MAP3K8: variants seen among roughly 807,000 people sequenced by gnomAD.
MAP3K8 encodes mitogen-activated protein kinase kinase kinase 8.
A neutral mutation model predicts 45.8 loss-of-function variants in MAP3K8; 22 were observed. That is an observed-to-expected ratio of 0.48 (90% CI 0.34 to 0.69). The LOEUF (loss-of-function observed/expected upper bound fraction) is 0.69, where lower values mean the gene tolerates loss of function less well. MAP3K8 is among the 30% of genes least tolerant of loss of function. The probability of loss-of-function intolerance (pLI) is 0.01; values close to 1 mark genes in which losing one functional copy is unlikely to be tolerated. For synonymous variants in MAP3K8, 223 were observed against 214.3 expected (o/e 1.04, Z -0.36); for missense variants, 419 against 585.0 (o/e 0.72, Z 2.93).
In MAP3K8 at chr10:30,460,848, T is replaced by C; in HGVS notation, c.*12T>C. 6.2e-7 allele frequency: 1 copy of C among 1,612,924 alleles called. No individual in the cohort carries two copies. Among genetic ancestry groups the C allele is most frequent in the East Asian group, 2.2e-5 (1 of 44,878 alleles). ...TTGAATATGGCTGAAGGATGCCATG[T>C]TTGCTCTAAATTAAGACAGCATTGA... is the stretch of plus-strand genomic sequence containing the variant. On this transcript the variant is annotated 3_prime_UTR_variant, in exon 9 of 9. Coordinates refer to ENST00000263056, the MANE Select transcript of MAP3K8 (RefSeq NM_005204.4).
chr10:30,441,578 A>G (rs1836111107), intron 3 of MAP3K8, among the ~76,000 whole-genome samples: 1 of 152,256 alleles, frequency 6.6e-6, no homozygotes, highest in Non-Finnish European at 1.5e-5. Flanking sequence ...ACTAAAAAAC[A>G]GAAGAGAATA....
chr10:30,437,154 C>G, intron 1 of MAP3K8, 22 bp from the exon 2 acceptor site: 1 of 984,706 alleles, frequency 1.0e-6, no homozygotes, highest in Non-Finnish European at 1.2e-6. Flanking sequence ...TTTTTTTTCT[C>G]TCTCTTTATG....
At chr10:30,438,237 AG>A (rs1259526493) in intron 2 of MAP3K8, among the ~76,000 whole-genome samples, 1 of 152,236 alleles carries the variant, frequency 6.6e-6, no homozygotes, top group Non-Finnish European at 1.5e-5. Context: ...GCTGAATCAT[AG>A]GTTAAATGTA....
At chr10:30,449,268 G>T (rs570284023) in intron 4 of MAP3K8, among the ~76,000 whole-genome samples, 1 of 152,010 alleles carries the variant, frequency 6.6e-6, no homozygotes, top group East Asian at 1.9e-4. Context: ...TTTTTGAGAC[G>T]GAGTCTAGCT....
chr10:30,460,951 G>A lies in MAP3K8; in HGVS notation c.*115G>A, dbSNP rs539149833. 83 of 1,309,918 alleles carry A rather than the reference G, an allele frequency of 6.3e-5. No homozygotes were observed. In the African/African-American group the frequency reaches 1.1e-3, roughly 17 times the overall value. The allele number at this position is 1,309,918 out of a possible 1,614,324, so 81.1% of individuals were successfully genotyped here. On this transcript the variant is annotated 3_prime_UTR_variant, in exon 9 of 9. Transcript: ENST00000263056. Reference sequence around the variant, plus strand: ...GGTGCCATTTTCGAAGGAGCAGTGTGACCTCCTGTGACCCGTGAATGTGCC... The same window carrying A: ...GGTGCCATTTTCGAAGGAGCAGTGTAACCTCCTGTGACCCGTGAATGTGCC...
At chr10:30,456,680 T>C (rs542468160) in intron 6 of MAP3K8, among the ~76,000 whole-genome samples, 75 of 152,222 alleles carry the variant, frequency 4.9e-4, no homozygotes, top group Non-Finnish European at 8.4e-4. Flanking sequence ...CTGTTCCTTT[T>C]TAAAAAAATG....
At chr10:30,447,999 CT>C in intron 4 of MAP3K8, 50 bp downstream of exon 4, 2 of 1,533,182 alleles carry the variant, frequency 1.3e-6, no homozygotes, top group Non-Finnish European at 1.8e-6. Context: ...GGCATTCTGG[CT>C]TTTGTTTTTT....
chr10:30,445,063 C>G (rs1266295592), intron 3 of MAP3K8, among the ~76,000 whole-genome samples: 1 of 152,164 alleles, frequency 6.6e-6, no homozygotes, highest in African/African-American at 2.4e-5. Flanking sequence ...CTGAAATTAT[C>G]TTTTGTCCTC....
rs920859938 is a variant in MAP3K8 at position 30,446,294 on chromosome 10, G to A, written c.337-1488G>A. Among the ~76,000 whole-genome samples the A allele has an allele frequency of 2.9e-4, 44 of 152,300 alleles. 1 individual carries two copies. Among genetic ancestry groups the A allele is most frequent in the African/African-American group, 7.7e-4 (32 of 41,570 alleles). On this transcript the variant is annotated intron_variant, in intron 3 of 8. Transcript: ENST00000263056. ...TCACGCCTGTAATCCCAGAACTATA[G>A]GAGGCTGGGGCAGGTGGCTCACTTG...
intron 4 of MAP3K8, among the ~76,000 whole-genome samples, chr10:30,449,693 A>G (rs1172370032): frequency 1.3e-5 from 2 of 152,144 alleles, no homozygotes; most frequent in Non-Finnish European, 2.9e-5. Flanking sequence ...TATTTTTTGT[A>G]GTAACGGGGT....
chr10:30,458,159 C>T lies in MAP3K8; in HGVS notation c.949C>T (p.Leu317Phe). The part of the protein sequence containing the change: ...KADIYSLGAT[L>F]IHMQTGTPPW... ...AGACATCTACAGCCTGGGGGCCACG[C>T]TCATCCACATGCAGACGGGCACCCC... Residue 317 changes from leucine to phenylalanine, a missense_variant, in exon 7 of 9, where the codon CTC (leucine) becomes TTC (phenylalanine). Physicochemically the swap from Leu to Phe is conservative, Grantham distance 22 (BLOSUM62 0). Coordinates refer to ENST00000263056, the MANE Select transcript of MAP3K8 (RefSeq NM_005204.4). 1.9e-6 allele frequency: 3 copies of T among 1,595,392 alleles called. No individual in the cohort carries two copies. Among genetic ancestry groups the T allele is most frequent in the Non-Finnish European group, 2.6e-6 (3 of 1,170,506 alleles).
At chr10:30,455,284 C>T (rs1836696737) in intron 6 of MAP3K8, among the ~76,000 whole-genome samples, 1 of 152,168 alleles carries the variant, frequency 6.6e-6, no homozygotes, top group Non-Finnish European at 1.5e-5. Flanking sequence ...AACAAGCTTG[C>T]TTTTACCCTT....
chr10:30,435,202 C>T (rs147004080), intron 1 of MAP3K8, among the ~76,000 whole-genome samples: 13 of 152,276 alleles, frequency 8.5e-5, no homozygotes, highest in African/African-American at 1.7e-4. Flanking sequence ...TTAAAGGCTG[C>T]TCTTGATAAA....
chr10:30,439,565 T>G (rs943848041), intron 3 of MAP3K8: 2 of 550,420 alleles, frequency 3.6e-6, no homozygotes, highest in East Asian at 6.0e-5. Context: ...ATCCGCGCAC[T>G]TGGAGAGGCC....
chr10:30,458,118 G>A lies in MAP3K8; in HGVS notation c.908G>A (p.Gly303Asp). Residue 303 changes from glycine to aspartate, a missense_variant, in exon 7 of 9, where the codon GGC becomes GAC. Physicochemically the swap from Gly to Asp is moderately conservative, Grantham distance 94 (BLOSUM62 -1). Coordinates refer to ENST00000263056, the MANE Select transcript of MAP3K8 (RefSeq NM_005204.4). Reference protein sequence around the residue: ...YMSPEVILCRGHSTKADIYSL... With the variant: ...YMSPEVILCRDHSTKADIYSL... Reference sequence around the variant, plus strand: ...AGCCCAGAGGTCATCCTGTGCAGGGGCCATTCAACCAAAGCAGACATCTAC... The same window carrying A: ...AGCCCAGAGGTCATCCTGTGCAGGGACCATTCAACCAAAGCAGACATCTAC... The A allele has an allele frequency of 6.3e-7, 1 of 1,590,568 alleles. No individual in the cohort carries two copies. Among genetic ancestry groups the A allele is most frequent in the Non-Finnish European group, 8.6e-7 (1 of 1,168,018 alleles).
At chr10:30,448,418 TTATTA>T (rs755542856) in intron 4 of MAP3K8, among the ~76,000 whole-genome samples, 61 of 148,078 alleles carry the variant, frequency 4.1e-4, no homozygotes, top group East Asian at 7.9e-4. Context: ...CCCAAATTTA[TTATTA>T]TTATTATTAT....
At chr10:30,459,230 G>T in intron 7 of MAP3K8, 25 bp from the exon 8 acceptor site, 1 of 1,613,770 alleles carries the variant, frequency 6.2e-7, no homozygotes, top group East Asian at 2.2e-5. Flanking sequence ...TACCTTTGAT[G>T]CTAAGAGAGC....
intron 6 of MAP3K8, among the ~76,000 whole-genome samples, chr10:30,457,139 C>T (rs1197703550): frequency 6.6e-6 from 1 of 151,394 alleles, no homozygotes; most frequent in Non-Finnish European, 1.5e-5. Context: ...CCATGCCCCA[C>T]CTCTCTTTGT....
chr10:30,457,510 A>G (rs1322494323), intron 6 of MAP3K8, among the ~76,000 whole-genome samples: 1 of 152,152 alleles, frequency 6.6e-6, no homozygotes, highest in Non-Finnish European at 1.5e-5. Context: ...ATATAAAAGG[A>G]ATTGGCGTTT....
Sources: allele counts gnomAD v4.1 joint callset (sites outside exome capture counted in the v4.1 genomes callset), GRCh38; gene constraint gnomAD v4.1.1; transcripts MANE v1.5; gene names NCBI Gene and HGNC (gene_info 2026-07-23, HGNC 2026-07-21).